The following EIF3B variants were observed in gnomAD, a reference collection of about 807,000 sequenced individuals.
EIF3B encodes the protein eukaryotic translation initiation factor 3 subunit B, also known as eukaryotic translation initiation factor 3 subunit 9.
EIF3B carries 10 observed loss-of-function variants against 104.6 expected under a neutral mutation model. The observed-to-expected ratio is 0.10, with a 90% CI of 0.06 to 0.16. EIF3B has a LOEUF of 0.16. EIF3B is among the 10% of genes least tolerant of loss of function. The pLI is 1.00. For synonymous variants in EIF3B, 542 were observed against 417.2 expected, an observed-to-expected ratio of 1.30 and a Z score of -3.65; for missense variants, 1,014 against 1,087.9, an observed-to-expected ratio of 0.93 and a Z score of 0.96.
chr7:2,362,201 C>G (rs1779768181), intron 2 of EIF3B, among the ~76,000 whole-genome samples: 1 of 152,152 alleles, frequency 6.6e-6, no homozygotes, highest in African/African-American at 2.4e-5. Context: ...CTCAAGTGAT[C>G]TGCCCACCTT....
At chr7:2,368,873 G>A (rs1204691175) in intron 9 of EIF3B, among the ~76,000 whole-genome samples, 1 of 152,146 alleles carries the variant, frequency 6.6e-6, no homozygotes, top group African/African-American at 2.4e-5. Flanking sequence ...ACATTCTTGG[G>A]CAAAATTATG....
At chr7:2,377,634 GTT>G (rs1348263821) in intron 15 of EIF3B, among the ~76,000 whole-genome samples, 2 of 104,664 alleles carry the variant, frequency 1.9e-5, no homozygotes, top group Admixed American at 8.4e-5. Context: ...GGGAATCCGT[GTT>G]CTGTGAATGA....
At chr7:2,355,931 C>T (rs1320332324) in intron 1 of EIF3B, among the ~76,000 whole-genome samples, 1 of 152,244 alleles carries the variant, frequency 6.6e-6, no homozygotes, top group Non-Finnish European at 1.5e-5. Flanking sequence ...GTGGGACAGG[C>T]ACCCTGTGAA....
chr7:2,377,384 G>T (rs1379104240), intron 15 of EIF3B, among the ~76,000 whole-genome samples: 2 of 152,232 alleles, frequency 1.3e-5, no homozygotes, highest in Non-Finnish European at 2.9e-5. Context: ...TTACATTATT[G>T]TGGTAAAATA....
At position 2,362,773 on chromosome 7, in the gene EIF3B, A is replaced by T. The variant is rs1317509065; in HGVS notation, c.812+9A>T. 2 of 1,613,914 alleles carry T rather than the reference A, an allele frequency of 1.2e-6. No individual in the cohort carries two copies. Reference sequence around the variant, plus strand: ...TTTACGGATTTTGACAAGTGAGTTCAGACTTGGCCACAAGGAAGTGGACGT... The same window carrying T: ...TTTACGGATTTTGACAAGTGAGTTCTGACTTGGCCACAAGGAAGTGGACGT... On this transcript the variant is annotated intron_variant, in intron 3 of 18. Transcript: ENST00000360876.
At chr7:2,365,285 G>A (rs572756066) in intron 6 of EIF3B, among the ~76,000 whole-genome samples, 2 of 152,218 alleles carry the variant, frequency 1.3e-5, no homozygotes, top group African/African-American at 2.4e-5. Context: ...TCCGGCTGTC[G>A]GAGGCCTGCT....
chr7:2,365,632 A>T (rs1217618774), intron 6 of EIF3B, among the ~76,000 whole-genome samples: 1 of 150,796 alleles, frequency 6.6e-6, no homozygotes, highest in African/African-American at 2.4e-5. Context: ...CTGGCTTTCG[A>T]ACTGGATGGG....
intron 2 of EIF3B, among the ~76,000 whole-genome samples, chr7:2,362,420 A>G (rs1288920869): frequency 6.6e-6 from 1 of 152,210 alleles, no homozygotes; most frequent in East Asian, 1.9e-4. Context: ...TAATTATGAT[A>G]ATGAAACTAG....
intron 4 of EIF3B, 65 bp from the exon 5 acceptor site, chr7:2,363,567 A>G (rs1779855701): frequency 4.9e-6 from 7 of 1,441,530 alleles, no homozygotes; most frequent in Non-Finnish European, 6.6e-6. Flanking sequence ...TTTAAGAGCA[A>G]TAGTTGTGAA....
intron 10 of EIF3B, 83 bp downstream of exon 10, chr7:2,369,765 ATTTTTTTTTT>A (rs552367791): frequency 1.5e-3 from 539 of 365,414 alleles, no homozygotes; most frequent in Admixed American, 2.6e-3. Context: ...GTGTTAATGG[ATTTTTTTTTT>A]TTTTTTTTTT....
chr7:2,355,155 C>T lies in EIF3B; in HGVS notation c.234C>T (p.Ser78=), dbSNP rs1293262061. Residue 78 remains serine, a synonymous_variant, in exon 1 of 19, where the codon TCC becomes TCT. Coordinates refer to ENST00000360876, the MANE Select transcript of EIF3B (RefSeq NM_001037283.2). ...TEPAAEAEAA[S]GPSESPSPPA... is the part of the protein sequence containing the mutation. Reference sequence around the variant, plus strand: ...CGGCGGCCGAGGCAGAGGCGGCCTCCGGCCCGTCCGAGTCGCCCTCGCCGC... The same window carrying T: ...CGGCGGCCGAGGCAGAGGCGGCCTCTGGCCCGTCCGAGTCGCCCTCGCCGC... 4.8e-6 allele frequency: 7 copies of T among 1,444,792 alleles called. No individual in the cohort carries two copies. In the African/African-American group the frequency reaches 6.0e-5, roughly 12 times the overall value. 89.5% of individuals were successfully genotyped at this position (1,444,792 alleles called of 1,614,324 possible). A position where few individuals can be genotyped will look rare whatever the true frequency, so the allele number is the denominator to read the frequency against.
At chr7:2,361,609 C>T (rs968395991) in intron 2 of EIF3B, among the ~76,000 whole-genome samples, 13 of 151,552 alleles carry the variant, frequency 8.6e-5, no homozygotes, top group Admixed American at 8.6e-4. Flanking sequence ...TTAGTAGAGA[C>T]GGGGTTTCAC....
rs1474196095 is a variant in EIF3B, at chr7:2,363,142, A to G, written c.870+15A>G. ...TCAAAGACCTGGTGAGTGGCCTGAAACCTACATCTCAGTGGTTTAAAGAAA... is the reference window on the plus strand; with the variant it reads ...TCAAAGACCTGGTGAGTGGCCTGAAGCCTACATCTCAGTGGTTTAAAGAAA... On this transcript the variant is annotated intron_variant, in intron 4 of 18. Transcript: ENST00000360876. 2 of 1,613,266 alleles carry G rather than the reference A, an allele frequency of 1.2e-6. No individual in the cohort carries two copies. The highest frequency in any genetic ancestry group is 2.7e-5 in the African/African-American group (2 of 74,962).
Position 2,360,744 on chromosome 7 carries a change from G to A in EIF3B, c.534G>A (p.Gln178=), listed in dbSNP as rs773012336. ...GAGATGTACTCAAAGATCGGCCCCA[G>A]GAAGCAGATGGAATCGATTCGGTGA... ...LLGDVLKDRP[Q]EADGIDSVIV... The change falls in exon 2 of 19, where the codon CAG becomes CAA. Residue 178 remains glutamine, a synonymous_variant. Coordinates refer to ENST00000360876, the MANE Select transcript of EIF3B (RefSeq NM_001037283.2). The A allele has an allele frequency of 2.5e-6, 4 of 1,596,734 alleles. No homozygotes were observed. Among genetic ancestry groups the A allele is most frequent in the African/African-American group, 2.7e-5 (2 of 74,714 alleles).
At chr7:2,379,076 T>A in intron 16 of EIF3B, 58 bp from the exon 17 acceptor site, 1 of 1,503,188 alleles carries the variant, frequency 6.7e-7, no homozygotes, top group Non-Finnish European at 9.2e-7. Context: ...TGTGGGCTCT[T>A]CGCGATGGGG....
intron 1 of EIF3B, among the ~76,000 whole-genome samples, chr7:2,358,521 G>A (rs1050118357): frequency 9.2e-5 from 14 of 152,078 alleles, no homozygotes; most frequent in Admixed American, 4.6e-4. Flanking sequence ...TAGTATGTTG[G>A]AATTATCATT....
At chr7:2,378,383 G>C (rs1251540275) in intron 15 of EIF3B, 9 of 307,184 alleles carry the variant, frequency 2.9e-5, no homozygotes, top group African/African-American at 4.0e-5. Context: ...AGCGCTCCTG[G>C]GATGCTGTGT....
intron 9 of EIF3B, among the ~76,000 whole-genome samples, chr7:2,369,250 C>G (rs561711030): frequency 6.6e-6 from 1 of 152,308 alleles, no homozygotes; most frequent in South Asian, 2.1e-4. Flanking sequence ...TGTCTGCATT[C>G]ACTCCTTGTC....
In EIF3B at chr7:2,367,180, C is replaced by A. The variant is rs555747991; in HGVS notation, c.1403+135C>A. On this transcript the variant is annotated intron_variant, in intron 9 of 18. Coordinates refer to ENST00000360876, the MANE Select transcript of EIF3B (RefSeq NM_001037283.2). ...AGATTTCTTTCTCCCAGTTCTGGAG[C>A]TTGGGAGCTTGAGGTCAGGGTGCCT... 88 of 854,116 alleles carry A rather than the reference C, an allele frequency of 1.0e-4. 1 individual carries two copies. The South Asian group carries it at 1.6e-3, about 15-fold the overall frequency. The allele number at this position is 854,116 out of a possible 1,614,324, so 52.9% of individuals were successfully genotyped here. A position where few individuals can be genotyped will look rare whatever the true frequency, so the allele number is the denominator to read the frequency against.
Sources: allele counts gnomAD v4.1 joint callset (sites outside exome capture counted in the v4.1 genomes callset), GRCh38; gene constraint gnomAD v4.1.1; transcripts MANE v1.5; gene names NCBI Gene and HGNC (gene_info 2026-07-23, HGNC 2026-07-21).